The following CAMK2D variants were observed in gnomAD, a reference collection of about 807,000 sequenced individuals.
The protein encoded by CAMK2D is calcium/calmodulin-dependent protein kinase type II subunit delta.
A neutral mutation model predicts 84.0 loss-of-function variants in CAMK2D; 37 were observed. That is an observed-to-expected ratio of 0.44 (90% confidence interval 0.34 to 0.58). The LOEUF is 0.58. CAMK2D is among the 20% of genes least tolerant of loss of function. The pLI is 0.02. For synonymous variants in CAMK2D, 202 were observed against 212.5 expected (o/e 0.95, Z 0.43); for missense variants, 448 against 652.5 (o/e 0.69, Z 3.41).
chr4:113,743,393 T>G (rs1393813745), intron 2 of CAMK2D, among the ~76,000 whole-genome samples: 1 of 152,232 alleles, frequency 6.6e-6, no homozygotes, highest in South Asian at 2.1e-4. Flanking sequence ...TTGGACACTT[T>G]GGTGCTAGAT....
intron 2 of CAMK2D, among the ~76,000 whole-genome samples, chr4:113,692,575 CATAT>C (rs1212540314): frequency 7.2e-5 from 11 of 151,790 alleles, no homozygotes; most frequent in Non-Finnish European, 1.3e-4. Flanking sequence ...GTCATACATA[CATAT>C]ATTCACACAT....
chr4:113,753,021 C>G lies in CAMK2D; in HGVS notation c.160+6299G>C, dbSNP rs537970939. Among the ~76,000 whole-genome samples the G allele has an allele frequency of 3.9e-5, 6 of 152,110 alleles. 1 individual carries two copies. In the South Asian group the frequency reaches 1.2e-3, roughly 32 times the overall value. On this transcript the variant is annotated intron_variant, in intron 2 of 20. Transcript: ENST00000511664. ...AAATACAGACAGATTAAGATAAGTC[C>G]TCTCTAATAGCAATCAACAGGAGGT...
intron 12 of CAMK2D, among the ~76,000 whole-genome samples, chr4:113,512,329 G>C (rs540273875): frequency 6.6e-6 from 1 of 152,204 alleles, no homozygotes; most frequent in Non-Finnish European, 1.5e-5. Context: ...CTTTTAGAGA[G>C]TGACGCTTAC....
At chr4:113,575,150 C>A (rs1355240954) in intron 4 of CAMK2D, among the ~76,000 whole-genome samples, 1 of 152,134 alleles carries the variant, frequency 6.6e-6, no homozygotes, top group Non-Finnish European at 1.5e-5. Context: ...TTATTCTACT[C>A]ATTTGCTGTC....
At chr4:113,568,017 T>TA (rs2098733928) in intron 4 of CAMK2D, among the ~76,000 whole-genome samples, 1 of 152,228 alleles carries the variant, frequency 6.6e-6, no homozygotes, top group African/African-American at 2.4e-5. Context: ...GATTTATTAA[T>TA]AAAATCTGTC....
At position 113,641,696 on chromosome 4, in the gene CAMK2D, C is replaced by G. The variant is rs896598452; in HGVS notation, c.220+20017G>C. On this transcript the variant is annotated intron_variant, in intron 3 of 20. Coordinates refer to ENST00000511664, the MANE Select transcript of CAMK2D (RefSeq NM_001321571.2). ...GCTTTGAAAACCTGTATCACAATCACCTGGGTGCTTGATTTAAAAAATAAT... is the reference window on the plus strand; with the variant it reads ...GCTTTGAAAACCTGTATCACAATCAGCTGGGTGCTTGATTTAAAAAATAAT... 3.3e-5 allele frequency among the ~76,000 whole-genome samples: 5 copies of G among 152,266 alleles called. No individual in the cohort carries two copies. The South Asian group carries it at 6.2e-4, about 19-fold the overall frequency.
intron 16 of CAMK2D, among the ~76,000 whole-genome samples, chr4:113,471,096 T>C (rs901375127): frequency 2.6e-5 from 4 of 152,240 alleles, no homozygotes; most frequent in African/African-American, 9.6e-5. Flanking sequence ...CTAAAACTGA[T>C]CATCGAACTC....
Position 113,744,141 on chromosome 4 carries a change from C to T in CAMK2D, c.160+15179G>A, listed in dbSNP as rs545445396. Among the ~76,000 whole-genome samples, 18 of 152,216 alleles carry T rather than the reference C, an allele frequency of 1.2e-4. No homozygotes were observed. In the South Asian group the frequency reaches 1.5e-3, roughly 12 times the overall value. ...AGGCGTGAGCCACCACACCCAGCCC[C>T]CTATTTTGTTAAACAAGCAAGCTTT... On this transcript the variant is annotated intron_variant, in intron 2 of 20. Coordinates refer to ENST00000511664, the MANE Select transcript of CAMK2D (RefSeq NM_001321571.2).
At chr4:113,720,108 G>A (rs1593530425) in intron 2 of CAMK2D, among the ~76,000 whole-genome samples, 1 of 151,944 alleles carries the variant, frequency 6.6e-6, no homozygotes, top group South Asian at 2.1e-4. Context: ...ATGACAAGCC[G>A]AGTTGCTATC....
chr4:113,714,920 C>A (rs2099509015), intron 2 of CAMK2D, among the ~76,000 whole-genome samples: 1 of 151,986 alleles, frequency 6.6e-6, no homozygotes, highest in Non-Finnish European at 1.5e-5. Flanking sequence ...TATATGAAAA[C>A]CCTTATGGTA....
intron 3 of CAMK2D, among the ~76,000 whole-genome samples, chr4:113,655,210 G>C (rs1243826126): frequency 1.3e-5 from 2 of 152,088 alleles, no homozygotes; most frequent in Non-Finnish European, 2.9e-5. Flanking sequence ...GCAGATCACA[G>C]AGCAGGCCAG....
rs545144199 is a variant in CAMK2D at position 113,753,232 on chromosome 4, ACTTATTGT to A, written c.160+6080_160+6087del. The stretch of plus-strand genomic sequence containing the variant: ...AAAACAAAGTATCTTGTAAATATAT[ACTTATTGT>A]CTCATAGAAGGGGCTCTTCAAATAA... On this transcript the variant is annotated intron_variant, in intron 2 of 20. Transcript: ENST00000511664. Among the ~76,000 whole-genome samples, 390 of 152,150 alleles carry A rather than the reference ACTTATTGT, an allele frequency of 2.6e-3. 1 individual carries two copies. Among genetic ancestry groups the A allele is most frequent in the African/African-American group, 8.7e-3 (361 of 41,546 alleles).
intron 5 of CAMK2D, among the ~76,000 whole-genome samples, chr4:113,549,657 T>C (rs1227840234): frequency 6.6e-6 from 1 of 152,212 alleles, no homozygotes. Flanking sequence ...AAGTTCACTG[T>C]GCAATTCAAA....
At chr4:113,610,464 AT>A (rs1487599731) in intron 3 of CAMK2D, among the ~76,000 whole-genome samples, 1 of 152,216 alleles carries the variant, frequency 6.6e-6, no homozygotes, top group African/African-American at 2.4e-5. Flanking sequence ...AACTAAAATT[AT>A]TTATACAAGG....
chr4:113,748,383 C>T (rs2099609541), intron 2 of CAMK2D, among the ~76,000 whole-genome samples: 1 of 152,062 alleles, frequency 6.6e-6, no homozygotes, highest in African/African-American at 2.4e-5. Flanking sequence ...GGTGGAAACA[C>T]ACAAAATTTA....
At chr4:113,465,445 G>A in intron 17 of CAMK2D, 84 bp downstream of exon 17, 1 of 793,014 alleles carries the variant, frequency 1.3e-6, no homozygotes, top group Non-Finnish European at 2.1e-6. Context: ...AAATATATGT[G>A]AATTCAGACA....
At chr4:113,492,376 T>A (rs1000030133) in intron 16 of CAMK2D, among the ~76,000 whole-genome samples, 1 of 152,242 alleles carries the variant, frequency 6.6e-6, no homozygotes, top group Non-Finnish European at 1.5e-5. Flanking sequence ...AACATCTTTA[T>A]TTCTGCCTTC....
At chr4:113,731,500 A>C (rs1470409579) in intron 2 of CAMK2D, among the ~76,000 whole-genome samples, 1 of 152,140 alleles carries the variant, frequency 6.6e-6, no homozygotes, top group Non-Finnish European at 1.5e-5. Flanking sequence ...CATTATCTTC[A>C]TTAAACAAGT....
chr4:113,499,935 C>A (rs1185017299), intron 16 of CAMK2D, among the ~76,000 whole-genome samples: 2 of 152,062 alleles, frequency 1.3e-5, no homozygotes, highest in African/African-American at 4.8e-5. Context: ...CTAAAAGAAC[C>A]TTGGCAACCA....
Sources: gnomAD v4.1 joint callset for allele counts (sites outside exome capture counted in the v4.1 genomes callset) on GRCh38, gnomAD v4.1.1 for gene constraint, MANE v1.5 for transcripts, NCBI Gene and HGNC (gene_info 2026-07-23, HGNC 2026-07-21) for gene names.